The following AIMP1 variants were observed in gnomAD, a reference collection of about 807,000 sequenced individuals.
AIMP1 encodes the protein aminoacyl tRNA synthase complex-interacting multifunctional protein 1.
Under a neutral mutation model 33.1 loss-of-function variants are expected in AIMP1, and 24 were observed. The observed-to-expected ratio is 0.73, with a 90% CI of 0.53 to 1.02. The LOEUF is 1.02. AIMP1 is among the 50% of genes least tolerant of loss of function. AIMP1 has a pLI of 0.00. For synonymous variants in AIMP1, 120 were observed against 121.5 expected (o/e 0.99, Z 0.08); for missense variants, 367 against 364.8 (o/e 1.01, Z -0.05).
At chr4:106,328,007 C>A in intron 3 of AIMP1, 69 bp from the exon 4 acceptor site, 2 of 1,582,884 alleles carry the variant, frequency 1.3e-6, no homozygotes, top group Non-Finnish European at 1.7e-6. Flanking sequence ...ATTTGTGGTT[C>A]ACAATTTCAT....
At chr4:106,318,095 C>T (rs141106937) in intron 1 of AIMP1, among the ~76,000 whole-genome samples, 3 of 152,220 alleles carry the variant, frequency 2.0e-5, no homozygotes, top group South Asian at 2.1e-4. Context: ...TCCAGGACCC[C>T]CTATGTCCTC....
intron 4 of AIMP1, 56 bp downstream of exon 4, chr4:106,328,299 A>G (rs1769538079): frequency 6.6e-7 from 1 of 1,524,538 alleles, no homozygotes; most frequent in African/African-American, 1.4e-5. Context: ...GAAAATGTCA[A>G]GTTTTGATAA....
intron 6 of AIMP1, among the ~76,000 whole-genome samples, chr4:106,339,540 A>G (rs1399597318): frequency 6.6e-6 from 1 of 152,264 alleles, no homozygotes; most frequent in Non-Finnish European, 1.5e-5. Context: ...CTCCACTGCC[A>G]TGTGGAACTG....
rs536612208 is a variant in AIMP1 at position 106,332,021 on chromosome 4, G to A, written c.603+138G>A. On this transcript the variant is annotated intron_variant, in intron 5 of 6. Transcript: ENST00000672341. ...TAGTTCAGTCGATTAGTTTGAATGT[G>A]GTTAATTACACAAAAAAAGCATAAA... 3.7e-6 allele frequency: 3 copies of A among 817,766 alleles called. No homozygotes were observed. In the East Asian group the frequency reaches 7.9e-5, roughly 22 times the overall value. The allele number at this position is 817,766 out of a possible 1,614,324, so 50.7% of individuals were successfully genotyped here.
At chr4:106,334,390 G>A (rs1392429052) in intron 5 of AIMP1, among the ~76,000 whole-genome samples, 6 of 150,532 alleles carry the variant, frequency 4.0e-5, no homozygotes, top group Non-Finnish European at 8.8e-5. Flanking sequence ...TCAGCCTGCC[G>A]AGTAGCCAGG....
chr4:106,325,039 A>T lies in AIMP1; in HGVS notation c.30A>T (p.Arg10Ser), dbSNP rs777894463. The T allele has an allele frequency of 1.2e-6, 2 of 1,612,598 alleles. No homozygotes were observed. Among genetic ancestry groups the T allele is most frequent in the Admixed American group, 3.3e-5 (2 of 59,970 alleles). ...CAAATAATGATGCTGTTCTGAAGAG[A>T]CTGGAGCAGAAGGGTGCAGAGGCAG... Reference protein sequence around the residue: MANNDAVLKRLEQKGAEADQ... With the variant: MANNDAVLKSLEQKGAEADQ... The change falls in exon 2 of 7, where the codon AGA (arginine) becomes AGT (serine). Residue 10 changes from arginine to serine, a missense_variant. Transcript: ENST00000672341.
chr4:106,347,615 T>C lies in AIMP1; in HGVS notation c.862T>C (p.Tyr288His), dbSNP rs1291393334. 1.2e-6 allele frequency: 2 copies of C among 1,613,396 alleles called. No individual in the cohort carries two copies. The highest frequency in any genetic ancestry group is 1.7e-6 in the Non-Finnish European group (2 of 1,179,632). The change falls in exon 7 of 7, where the codon TAC (tyrosine) becomes CAC (histidine). Residue 288 changes from tyrosine to histidine, a missense_variant. Tyr to His is a moderately conservative substitution (Grantham distance 83). Transcript: ENST00000672341. ...LHTNDECVAT[Y>H]KGVPFEVKGK... ...CACTAATGATGAGTGTGTGGCTACA[T>C]ACAAAGGAGTTCCCTTTGAGGTGAA...
chr4:106,335,624 T>A (rs1354554467), intron 5 of AIMP1, among the ~76,000 whole-genome samples: 1 of 152,160 alleles, frequency 6.6e-6, no homozygotes, highest in Non-Finnish European at 1.5e-5. Flanking sequence ...TTGCTGTAAC[T>A]TTTAAGTTCT....
At chr4:106,328,805 A>G (rs1769555361) in intron 4 of AIMP1, among the ~76,000 whole-genome samples, 2 of 152,136 alleles carry the variant, frequency 1.3e-5, no homozygotes, top group African/African-American at 4.8e-5. Flanking sequence ...CTGTCCCCAA[A>G]ACATACATAG....
chr4:106,318,106 A>G (rs1475230152), intron 1 of AIMP1, among the ~76,000 whole-genome samples: 3 of 152,194 alleles, frequency 2.0e-5, no homozygotes, highest in Admixed American at 6.5e-5. Context: ...CTATGTCCTC[A>G]TCAGTAAAGG....
intron 6 of AIMP1, among the ~76,000 whole-genome samples, chr4:106,341,011 A>G (rs930236782): frequency 2.6e-5 from 4 of 152,022 alleles, no homozygotes; most frequent in Non-Finnish European, 5.9e-5. Flanking sequence ...CACTTCTGTG[A>G]TGTTGAGTGT....
chr4:106,318,511 G>A (rs1427814117), intron 1 of AIMP1, among the ~76,000 whole-genome samples: 1 of 152,088 alleles, frequency 6.6e-6, no homozygotes, highest in Non-Finnish European at 1.5e-5. Context: ...GGGAGGAGAA[G>A]AAAGGAAGAA....
intron 4 of AIMP1, among the ~76,000 whole-genome samples, chr4:106,329,688 G>C (rs994093842): frequency 6.6e-6 from 1 of 151,010 alleles, no homozygotes; most frequent in Non-Finnish European, 1.5e-5. Context: ...TGTTCCATAG[G>C]TGTTTAGCTG....
At chr4:106,339,141 T>G (rs1042314406) in intron 6 of AIMP1, among the ~76,000 whole-genome samples, 15 of 152,226 alleles carry the variant, frequency 9.9e-5, no homozygotes, top group African/African-American at 3.6e-4. Context: ...GGGACTTGTC[T>G]TGTCTCAGAT....
Position 106,328,164 on chromosome 4 carries a change from C to T in AIMP1, c.312C>T (p.Thr104=), listed in dbSNP as rs201162461. The T allele has an allele frequency of 1.4e-5, 22 of 1,613,040 alleles. No homozygotes were observed. Among genetic ancestry groups the T allele is most frequent in the African/African-American group, 4.0e-5 (3 of 74,766 alleles). ...TGATACAGTCTACAGCAGTAACAAC[C>T]GTATCTTCTGGTACCAAAGAACAGA... ...ENVIQSTAVT[T]VSSGTKEQIK... The change falls in exon 4 of 7, where the codon ACC becomes ACT. Residue 104 remains threonine (T), a synonymous_variant. Coordinates refer to ENST00000672341, the MANE Select transcript of AIMP1 (RefSeq NM_001142416.2).
In AIMP1 at chr4:106,325,026, C is replaced by G. The variant is rs1769405640; in HGVS notation, c.17C>G (p.Ala6Gly). The G allele has an allele frequency of 1.2e-6, 2 of 1,604,864 alleles. No individual in the cohort carries two copies. Among genetic ancestry groups the G allele is most frequent in the African/African-American group, 1.3e-5 (1 of 74,650 alleles). ...TTGGCAAAAATGGCAAATAATGATG[C>G]TGTTCTGAAGAGACTGGAGCAGAAG... is the stretch of plus-strand genomic sequence containing the variant. Reference protein sequence around the residue: MANNDAVLKRLEQKGA... With the variant: MANNDGVLKRLEQKGA... The change falls in exon 2 of 7, where the codon GCT (alanine) becomes GGT (glycine). Residue 6 changes from alanine (A) to glycine (G), a missense_variant. Coordinates refer to ENST00000672341, the MANE Select transcript of AIMP1 (RefSeq NM_001142416.2).
chr4:106,328,148 C>A lies in AIMP1; in HGVS notation c.296C>A (p.Ser99Tyr). 1 of 1,613,428 alleles carries A rather than the reference C, an allele frequency of 6.2e-7. No homozygotes were observed. The highest frequency in any genetic ancestry group is 8.5e-7 in the Non-Finnish European group (1 of 1,179,720). ...NSMVSENVIQ[S>Y]TAVTTVSSGT... ...ATGGTTTCTGAAAATGTGATACAGT[C>A]TACAGCAGTAACAACCGTATCTTCT... The change falls in exon 4 of 7, where the codon TCT becomes TAT. Residue 99 changes from serine to tyrosine, a missense_variant. Physicochemically the swap from Ser to Tyr is moderately radical, Grantham distance 144. Coordinates refer to ENST00000672341, the MANE Select transcript of AIMP1 (RefSeq NM_001142416.2).
At chr4:106,318,407 GT>G (rs1177128560) in intron 1 of AIMP1, among the ~76,000 whole-genome samples, 1 of 152,132 alleles carries the variant, frequency 6.6e-6, no homozygotes, top group Non-Finnish European at 1.5e-5. Flanking sequence ...TCAGTGTGGG[GT>G]ATTTTATGTA....
chr4:106,334,680 C>A, intron 5 of AIMP1, among the ~76,000 whole-genome samples: 1 of 151,734 alleles, frequency 6.6e-6, no homozygotes. Context: ...GTGATAAGTG[C>A]CAAGAGAAAA....
Sources: allele counts gnomAD v4.1 joint callset (sites outside exome capture counted in the v4.1 genomes callset), GRCh38; gene constraint gnomAD v4.1.1; transcripts MANE v1.5; gene names NCBI Gene and HGNC (gene_info 2026-07-23, HGNC 2026-07-21).